The following ARHGEF17 variants were observed in gnomAD, a reference collection of about 807,000 sequenced individuals.
ARHGEF17 encodes the protein 164 kDa Rho-specific guanine-nucleotide exchange factor.
In ARHGEF17, 80 loss-of-function variants were observed where a neutral mutation model predicts 174.0. The ratio of observed to expected loss-of-function variants is 0.46; its 90% CI spans 0.38 to 0.55. The LOEUF (loss-of-function observed/expected upper bound fraction) is 0.55. Ranked by LOEUF, ARHGEF17 falls within the 20% of genes least tolerant of loss-of-function variation. The probability of loss-of-function intolerance (pLI) is 0.00; values close to 1 mark genes in which losing one functional copy is unlikely to be tolerated. For synonymous variants in ARHGEF17, 1,311 were observed against 1,189.1 expected, an observed-to-expected ratio of 1.10 and a Z score of -2.11; for missense variants, 2,886 against 2,839.7, an observed-to-expected ratio of 1.02 and a Z score of -0.37.
rs369309654 is a variant in ARHGEF17 at position 73,356,727 on chromosome 11, C to T, written c.3859C>T (p.Arg1287Trp). The change falls in exon 7 of 21, where the codon CGG (arginine) becomes TGG (tryptophan). Residue 1287 changes from arginine (R) to tryptophan (W), a missense_variant. Coordinates refer to ENST00000263674, the MANE Select transcript of ARHGEF17 (RefSeq NM_014786.4). Reference protein sequence around the residue: ...GMEDLQAPLRRFLRQEMVIEV... With the variant: ...GMEDLQAPLRWFLRQEMVIEV... The stretch of plus-strand genomic sequence containing the variant: ...CCCACAGCTCCAGGCCCCTCTGCGG[C>T]GGTTCCTGAGACAGGAGATGGTCAT... The T allele has an allele frequency of 1.1e-5, 18 of 1,614,060 alleles. No homozygotes were observed. The highest frequency in any genetic ancestry group is 5.5e-5 in the South Asian group (5 of 91,088).
At chr11:73,367,048 A>T (rs930287414) in intron 20 of ARHGEF17, among the ~76,000 whole-genome samples, 2 of 152,210 alleles carry the variant, frequency 1.3e-5, no homozygotes, top group Non-Finnish European at 2.9e-5. Context: ...GTCTCAAAAA[A>T]AAAAGTGAAA....
chr11:73,356,017 C>T (rs1865631647), intron 5 of ARHGEF17, 64 bp downstream of exon 5: 1 of 1,601,326 alleles, frequency 6.2e-7, no homozygotes, highest in South Asian at 1.1e-5. Flanking sequence ...ACAAGGAGGT[C>T]TAAGGCCCCT....
Position 73,362,117 on chromosome 11 carries a change from C to T in ARHGEF17, c.4572C>T (p.Tyr1524=), listed in dbSNP as rs1307343553. 1.2e-6 allele frequency: 2 copies of T among 1,612,376 alleles called. No individual in the cohort carries two copies. The highest frequency in any genetic ancestry group is 1.7e-5 in the Admixed American group (1 of 60,014). Residue 1524 remains tyrosine, a synonymous_variant, in exon 13 of 21, where the codon TAC becomes TAT. Coordinates refer to ENST00000263674, the MANE Select transcript of ARHGEF17 (RefSeq NM_014786.4). ...PEVWVCNSDG[Y]VGQVCLLSLR... ...TATGGGTCTGCAACAGCGACGGCTA[C>T]GTGGGCCAGGTGTGCCTGCTGAGCC...
intron 20 of ARHGEF17, 80 bp from the exon 21 acceptor site, chr11:73,367,504 G>A (rs2134425971): frequency 8.2e-7 from 1 of 1,226,174 alleles, no homozygotes; most frequent in South Asian, 1.3e-5. Context: ...TATCTTCTGG[G>A]GTGTGGGAAT....
At chr11:73,349,292 T>G (rs1285695520) in intron 2 of ARHGEF17, among the ~76,000 whole-genome samples, 3 of 152,186 alleles carry the variant, frequency 2.0e-5, no homozygotes, top group African/African-American at 7.2e-5. Flanking sequence ...CTGCAAAATG[T>G]AGCTAATCTA....
chr11:73,322,867 A>G (rs1446285680), intron 1 of ARHGEF17, among the ~76,000 whole-genome samples: 2 of 152,172 alleles, frequency 1.3e-5, no homozygotes, highest in Non-Finnish European at 2.9e-5. Context: ...GTGCGGGAAC[A>G]TGAGTAGCCT....
chr11:73,355,801 C>G, intron 4 of ARHGEF17, 60 bp from the exon 5 acceptor site: 1 of 1,604,946 alleles, frequency 6.2e-7, no homozygotes, highest in Non-Finnish European at 8.5e-7. Flanking sequence ...GGGGACCTGT[C>G]CCTGGACATA....
chr11:73,357,068 C>T lies in ARHGEF17; in HGVS notation c.3935C>T (p.Thr1312Met), dbSNP rs747451410. The T allele has an allele frequency of 2.5e-6, 4 of 1,614,094 alleles. No individual in the cohort carries two copies. Among genetic ancestry groups the T allele is most frequent in the Non-Finnish European group, 3.4e-6 (4 of 1,180,050 alleles). Residue 1312 changes from threonine (T) to methionine (M), a missense_variant, in exon 8 of 21, where the codon ACG (threonine) becomes ATG (methionine). Around this residue, in one of 4 missense-constraint regions of ARHGEF17, gnomAD observed 353 missense variants for 470.3 expected, o/e 0.75. Transcript: ENST00000263674. The stretch of plus-strand genomic sequence containing the variant: ...AAGGACCGGTCTCTCTTCCTGTTCA[C>T]GGACCTCATCGTCTGCACCACTCTG... The part of the protein sequence containing the change: ...GKKDRSLFLF[T>M]DLIVCTTLKR...
At chr11:73,313,841 C>T (rs541182644) in intron 1 of ARHGEF17, among the ~76,000 whole-genome samples, 174 of 152,334 alleles carry the variant, frequency 1.1e-3, no homozygotes, top group African/African-American at 3.9e-3. Flanking sequence ...GGGTAATGGC[C>T]TCTGCCTGGC....
rs759028265 is a variant in ARHGEF17 at position 73,311,797 on chromosome 11, C to A, written c.3159C>A (p.Thr1053=). ...CAGCTCGGCCTGCAGATGAGCCTAC[C>A]CCTGCCAGCAAGTGCTGCAGCAAGC... is the stretch of plus-strand genomic sequence containing the variant. ...PEAARPADEP[T]PASKCCSKPQ... Residue 1053 remains threonine (T), a synonymous_variant, in exon 1 of 21, where the codon ACC becomes ACA. Transcript: ENST00000263674. 1.2e-6 allele frequency: 2 copies of A among 1,607,606 alleles called. No homozygotes were observed.
chr11:73,329,422 C>T lies in ARHGEF17; in HGVS notation c.3193-17461C>T, dbSNP rs181222454. On this transcript the variant is annotated intron_variant, in intron 1 of 20. Transcript: ENST00000263674. ...GGGTTTTTGTTTTTTTTTTTTGAGA[C>T]GGAGTCTCATTCTGTCACCCACGCT... 3.6e-3 allele frequency among the ~76,000 whole-genome samples: 404 copies of T among 110,940 alleles called. 14 individuals carry two copies. The highest frequency in any genetic ancestry group is 0.014 in the African/African-American group (375 of 26,916). 72.8% of individuals were successfully genotyped at this position (110,940 alleles called of 152,430 possible). A position where few individuals can be genotyped will look rare whatever the true frequency, so the allele number is the denominator to read the frequency against.
At chr11:73,360,598 C>CA (rs1865722631) in intron 11 of ARHGEF17, 65 bp downstream of exon 11, 2 of 1,568,080 alleles carry the variant, frequency 1.3e-6, no homozygotes, top group Non-Finnish European at 1.8e-6. Flanking sequence ...AGAGGCATCT[C>CA]ACAGCTGTCT....
chr11:73,360,579 C>G (rs1369539154), intron 11 of ARHGEF17, 46 bp downstream of exon 11: 2 of 1,599,300 alleles, frequency 1.3e-6, no homozygotes, highest in South Asian at 1.1e-5. Flanking sequence ...AGCTTCCAGG[C>G]AGGAGGCCAG....
At chr11:73,325,075 A>G (rs1217293376) in intron 1 of ARHGEF17, among the ~76,000 whole-genome samples, 2 of 152,164 alleles carry the variant, frequency 1.3e-5, no homozygotes, top group Non-Finnish European at 2.9e-5. Flanking sequence ...CAGGCAGGCC[A>G]GGCAGTGCAG....
chr11:73,357,802 C>T (rs558466576), intron 9 of ARHGEF17, among the ~76,000 whole-genome samples: 1 of 152,344 alleles, frequency 6.6e-6, no homozygotes, highest in African/African-American at 2.4e-5. Context: ...GCCGCTCCTC[C>T]TGCGGCGTCT....
chr11:73,311,997 G>C (rs2135785573), intron 1 of ARHGEF17, among the ~76,000 whole-genome samples, 167 bp downstream of exon 1: 1 of 152,314 alleles, frequency 6.6e-6, no homozygotes, highest in Middle Eastern at 3.4e-3. Context: ...TAATGACACA[G>C]GGCTCCTGTC....
chr11:73,321,166 A>G (rs1379612774), intron 1 of ARHGEF17, among the ~76,000 whole-genome samples: 1 of 152,230 alleles, frequency 6.6e-6, no homozygotes, highest in East Asian at 1.9e-4. Flanking sequence ...CAGTACCCAC[A>G]TAGTCAGTGG....
intron 15 of ARHGEF17, 71 bp downstream of exon 15, chr11:73,363,526 C>A: frequency 6.4e-7 from 1 of 1,553,428 alleles, no homozygotes; most frequent in Admixed American, 1.8e-5. Context: ...ATCATGTGGT[C>A]CCCTGGAGCC....
At chr11:73,328,351 A>G (rs894020271) in intron 1 of ARHGEF17, among the ~76,000 whole-genome samples, 3 of 152,194 alleles carry the variant, frequency 2.0e-5, no homozygotes, top group African/African-American at 7.2e-5. Context: ...CTTGCTTTAA[A>G]GTTGCCCATC....
Sources: allele counts gnomAD v4.1 joint callset (sites outside exome capture counted in the v4.1 genomes callset), GRCh38; gene constraint gnomAD v4.1.1; regional missense constraint gnomAD v4.1.1; transcripts MANE v1.5; gene names NCBI Gene and HGNC (gene_info 2026-07-23, HGNC 2026-07-21).